Variants in PCDH15 observed in about 807,000 individuals in gnomAD.
PCDH15 encodes the protein protocadherin-15.
A neutral mutation model predicts 178.5 loss-of-function variants in PCDH15; 129 were observed. That is an observed-to-expected ratio of 0.72 (90% CI 0.63 to 0.84). PCDH15 has a LOEUF of 0.84. Ranked by LOEUF, PCDH15 falls within the 40% of genes least tolerant of loss-of-function variation. The probability of loss-of-function intolerance (pLI) is 0.00; values close to 1 mark genes in which losing one functional copy is unlikely to be tolerated. For missense variants in PCDH15, 2,230 were observed against 2,099.9 expected, an observed-to-expected ratio of 1.06 and a Z score of -1.21; for synonymous variants, 800 against 732.0, an observed-to-expected ratio of 1.09 and a Z score of -1.50.
chr10:55,371,094 A>C (rs1286662472), intron 2 of PCDH15, among the ~76,000 whole-genome samples: 1 of 152,104 alleles, frequency 6.6e-6, no homozygotes, highest in African/African-American at 2.4e-5. Flanking sequence ...TTCATGTAAG[A>C]GGGTAAAATA....
chr10:55,436,899 AC>A (rs1839054093), intron 2 of PCDH15, among the ~76,000 whole-genome samples: 1 of 152,130 alleles, frequency 6.6e-6, no homozygotes, highest in Non-Finnish European at 1.5e-5. Context: ...TTACAACAAA[AC>A]TTCATAAAGG....
intron 1 of PCDH15, among the ~76,000 whole-genome samples, chr10:54,797,006 T>C (rs553905171): frequency 2.0e-5 from 3 of 152,142 alleles, no homozygotes; most frequent in Non-Finnish European, 4.4e-5. Flanking sequence ...GACACCTCCA[T>C]GAAAACAACA....
chr10:54,132,844 C>T, intron 15 of PCDH15, 31 bp downstream of exon 15: 2 of 1,518,118 alleles, frequency 1.3e-6, no homozygotes, highest in Non-Finnish European at 1.8e-6. Context: ...AATTTATACA[C>T]ACACACACAC....
chr10:55,312,031 G>A (rs1843597335), intron 1 of PCDH15, among the ~76,000 whole-genome samples: 1 of 152,146 alleles, frequency 6.6e-6, no homozygotes, highest in South Asian at 2.1e-4. Context: ...TCTATTAAAA[G>A]AGGTTGTAAT....
intron 32 of PCDH15, chr10:53,823,143 AG>A: frequency 6.2e-7 from 1 of 1,613,894 alleles, no homozygotes; most frequent in South Asian, 1.1e-5. Flanking sequence ...TTCCTTATAA[AG>A]GGGATTATGG....
At chr10:55,272,473 C>G (rs770447677) in intron 1 of PCDH15, among the ~76,000 whole-genome samples, 1 of 151,582 alleles carries the variant, frequency 6.6e-6, no homozygotes, top group African/African-American at 2.4e-5. Context: ...GACGCGATCT[C>G]GGCTCACTGC....
chr10:54,112,666 T>C (rs2132723865), intron 15 of PCDH15, among the ~76,000 whole-genome samples: 1 of 152,322 alleles, frequency 6.6e-6, no homozygotes, highest in East Asian at 1.9e-4. Context: ...ACATAAATAC[T>C]ATTTAATTTC....
chr10:54,039,419 C>T (rs559809593), intron 18 of PCDH15, among the ~76,000 whole-genome samples: 2 of 151,884 alleles, frequency 1.3e-5, no homozygotes, highest in Non-Finnish European at 2.9e-5. Flanking sequence ...CATTACATAG[C>T]CCCTCAGACT....
At chr10:55,266,953 C>T (rs894413104) in intron 1 of PCDH15, among the ~76,000 whole-genome samples, 1 of 152,178 alleles carries the variant, frequency 6.6e-6, no homozygotes, top group African/African-American at 2.4e-5. Flanking sequence ...AACATTTACC[C>T]CTAGATGCTG....
rs565049065 is a variant in PCDH15 at position 55,500,187 on chromosome 10, G to A, written c.-156+127438C>T. 1.2e-4 allele frequency among the ~76,000 whole-genome samples: 18 copies of A among 151,652 alleles called. No individual in the cohort carries two copies. The East Asian group carries it at 3.5e-3, about 30-fold the overall frequency. On this transcript the variant is annotated intron_variant, in intron 2 of 5. Transcript: ENST00000613346. ...ATTCTGGTAAATGACTAAGGAAACA[G>A]GTATCTTAAAGAATGTATTAGGATG... is the stretch of plus-strand genomic sequence containing the variant.
chr10:55,535,629 T>C (rs902399750), intron 2 of PCDH15, among the ~76,000 whole-genome samples: 2 of 152,020 alleles, frequency 1.3e-5, no homozygotes, highest in African/African-American at 4.8e-5. Flanking sequence ...CTTTGCACCT[T>C]CTAGGAAATA....
chr10:54,866,916 CTT>C (rs1353789381), intron 3 of PCDH15, among the ~76,000 whole-genome samples: 7 of 152,164 alleles, frequency 4.6e-5, no homozygotes, highest in African/African-American at 1.4e-4. Context: ...GAAAAGGTCT[CTT>C]AGGAATATTT....
At position 55,547,910 on chromosome 10, in the gene PCDH15, T is replaced by A. The variant is rs377035007; in HGVS notation, c.-156+79715A>T. ...TGGTGTGTGTGTCTGTGTGTGTGTG[T>A]GAGAGAGAGAGAGAGAGAGAGAGAG... is the stretch of plus-strand genomic sequence containing the variant. On this transcript the variant is annotated intron_variant, in intron 2 of 5. Coordinates refer to the PCDH15 transcript ENST00000613346. Among the ~76,000 whole-genome samples the A allele has an allele frequency of 7.7e-3, 420 of 54,536 alleles. 14 individuals are homozygous for A. Among genetic ancestry groups the A allele is most frequent in the African/African-American group, 0.029 (361 of 12,408 alleles). 35.8% of individuals were successfully genotyped at this position (54,536 alleles called of 152,430 possible).
At chr10:55,227,337 C>A (rs1466635864) in intron 1 of PCDH15, among the ~76,000 whole-genome samples, 1 of 152,006 alleles carries the variant, frequency 6.6e-6, no homozygotes, top group African/African-American at 2.4e-5. Flanking sequence ...TGTGAATGCA[C>A]CCTTTCTCAA....
At chr10:54,100,686 T>C (rs2094793766) in intron 15 of PCDH15, among the ~76,000 whole-genome samples, 1 of 152,150 alleles carries the variant, frequency 6.6e-6, no homozygotes, top group Admixed American at 6.5e-5. Context: ...AAAATCGATT[T>C]GTAAAGCAGT....
chr10:53,970,116 T>A (rs191725158), intron 21 of PCDH15, among the ~76,000 whole-genome samples: 18 of 152,060 alleles, frequency 1.2e-4, no homozygotes, highest in African/African-American at 3.4e-4. Flanking sequence ...AAGAGACCTA[T>A]CTTATGTGCA....
At chr10:55,351,150 G>A (rs1844923078) in intron 2 of PCDH15, among the ~76,000 whole-genome samples, 1 of 148,868 alleles carries the variant, frequency 6.7e-6, no homozygotes, top group East Asian at 2.0e-4. Flanking sequence ...CCTAAAGAGT[G>A]GCTTTTCTTA....
At chr10:54,845,209 T>G (rs1332569111) in intron 3 of PCDH15, among the ~76,000 whole-genome samples, 1 of 151,922 alleles carries the variant, frequency 6.6e-6, no homozygotes, top group Admixed American at 6.6e-5. Flanking sequence ...AAGTGATGTT[T>G]AACTCATTAT....
At chr10:53,822,258 G>T (rs1231674344) in intron 32 of PCDH15, 5 of 1,613,808 alleles carry the variant, frequency 3.1e-6, no homozygotes, top group African/African-American at 2.7e-5. Context: ...AGGAATAGAA[G>T]GAGGTGGTGG....
Sources: allele counts gnomAD v4.1 joint callset (sites outside exome capture counted in the v4.1 genomes callset), GRCh38; gene constraint gnomAD v4.1.1; transcripts MANE v1.5; gene names NCBI Gene and HGNC (gene_info 2026-07-23, HGNC 2026-07-21).